Variants in KCNJ4 observed in about 807,000 individuals in gnomAD.
KCNJ4 encodes potassium inwardly rectifying channel subfamily J member 4, also known as inward rectifier potassium channel 4.
In KCNJ4, 3 loss-of-function variants were observed where a neutral mutation model predicts 25.6. That is an observed-to-expected ratio of 0.12 (90% confidence interval 0.05 to 0.30). KCNJ4 has a LOEUF of 0.30. KCNJ4 is among the 10% of genes least tolerant of loss of function. The pLI is 1.00. For synonymous variants in KCNJ4, 257 were observed against 283.9 expected, an observed-to-expected ratio of 0.91 and a Z score of 0.95; for missense variants, 286 against 666.8, an observed-to-expected ratio of 0.43 and a Z score of 6.29.
rs374880384 is a variant in KCNJ4 at position 38,443,878 on chromosome 22, G to A, written c.-40+11102C>T. Reference sequence around the variant, plus strand: ...TCTCCCCAGGGCACTCGGGATGAACGCCCCGCCTCAGAGAGGTCCTGCCCT... The same window carrying A: ...TCTCCCCAGGGCACTCGGGATGAACACCCCGCCTCAGAGAGGTCCTGCCCT... On this transcript the variant is annotated intron_variant, in intron 1 of 1. Transcript: ENST00000303592. The surrounding 1 kb of genome is among the most constrained non-coding windows in gnomAD (Gnocchi z 4.1). 2.6e-5 allele frequency among the ~76,000 whole-genome samples: 4 copies of A among 151,932 alleles called. No homozygotes were observed. In the South Asian group the frequency reaches 6.2e-4, roughly 24 times the overall value.
intron 1 of KCNJ4, among the ~76,000 whole-genome samples, chr22:38,441,645 A>C (rs1353845929): frequency 6.6e-6 from 1 of 152,168 alleles, no homozygotes; most frequent in Non-Finnish European, 1.5e-5. Context: ...GTGCCCCCTA[A>C]AGAAGTGGCG....
rs199879279 is a variant in KCNJ4 at position 38,426,952 on chromosome 22, G to A, written c.1181C>T (p.Ala394Val). ...EEEMEEEAAA[A>V]AAVAAGLGLE... The stretch of plus-strand genomic sequence containing the variant: ...GCCCAGGCCTGCGGCCACCGCGGCC[G>A]CCGCAGCTGCCTCCTCCTCCATCTC... Residue 394 changes from alanine (A) to valine (V), a missense_variant, in exon 2 of 2, where the codon GCG becomes GTG. By Grantham distance (64) the Ala-to-Val change is moderately conservative (BLOSUM62 0). Coordinates refer to ENST00000303592, the MANE Select transcript of KCNJ4 (RefSeq NM_152868.3). 7.5e-5 allele frequency: 121 copies of A among 1,612,578 alleles called. No homozygotes were observed. The highest frequency in any genetic ancestry group is 3.3e-4 in the Admixed American group (20 of 59,998).
intron 1 of KCNJ4, among the ~76,000 whole-genome samples, chr22:38,450,709 G>A (rs867971972): frequency 3.9e-5 from 6 of 152,116 alleles, no homozygotes; most frequent in Non-Finnish European, 8.8e-5. Flanking sequence ...GGGCACCTTC[G>A]GGCAGGTCAT....
chr22:38,441,853 C>T (rs556363096), intron 1 of KCNJ4, among the ~76,000 whole-genome samples: 5 of 152,310 alleles, frequency 3.3e-5, no homozygotes, highest in East Asian at 3.9e-4. Context: ...TGCCCATCCA[C>T]GAATGGCACA....
intron 1 of KCNJ4, among the ~76,000 whole-genome samples, chr22:38,442,344 C>T (rs1016654315): frequency 6.6e-6 from 1 of 151,918 alleles, no homozygotes; most frequent in Non-Finnish European, 1.5e-5. Flanking sequence ...GTCAGGAGAT[C>T]GAGACCATCC....
intron 1 of KCNJ4, among the ~76,000 whole-genome samples, chr22:38,432,284 T>A (rs184832214): frequency 0.015 from 2,079 of 142,176 alleles, 16 homozygotes; most frequent in Non-Finnish European, 0.022. Flanking sequence ...AATAAATAAA[T>A]AAAATAAAAT....
intron 1 of KCNJ4, among the ~76,000 whole-genome samples, chr22:38,440,816 G>T (rs1190843636): frequency 1.3e-5 from 2 of 152,206 alleles, no homozygotes; most frequent in Non-Finnish European, 2.9e-5. Flanking sequence ...GTTGTCGAGA[G>T]TGGCCTGTAG....
At chr22:38,430,652 C>T (rs750806565) in intron 1 of KCNJ4, among the ~76,000 whole-genome samples, 3 of 152,192 alleles carry the variant, frequency 2.0e-5, no homozygotes, top group Non-Finnish European at 4.4e-5. Flanking sequence ...ATCCCAGCAG[C>T]CAGGGCTCCA....
chr22:38,435,692 C>T (rs979254542), intron 1 of KCNJ4, among the ~76,000 whole-genome samples: 7 of 146,620 alleles, frequency 4.8e-5, no homozygotes, highest in Non-Finnish European at 7.5e-5. Flanking sequence ...GACTCTGTCT[C>T]GGGAAAAAAA....
chr22:38,453,511 C>T (rs1238426045), intron 1 of KCNJ4, among the ~76,000 whole-genome samples: 2 of 152,166 alleles, frequency 1.3e-5, no homozygotes. Flanking sequence ...CTGCCCCACG[C>T]CCACCTCCAC....
intron 1 of KCNJ4, among the ~76,000 whole-genome samples, chr22:38,441,041 AG>A (rs1312366998): frequency 1.3e-5 from 2 of 152,034 alleles, no homozygotes; most frequent in Non-Finnish European, 2.9e-5. Flanking sequence ...GGAAAAGGAG[AG>A]GGGGTCTTAG....
At chr22:38,434,077 G>T (rs569580727) in intron 1 of KCNJ4, among the ~76,000 whole-genome samples, 1 of 152,014 alleles carries the variant, frequency 6.6e-6, no homozygotes, top group Non-Finnish European at 1.5e-5. Flanking sequence ...GGGCACCTCC[G>T]CCAGGCCCTG....
chr22:38,448,059 CAAA>C (rs11422111), intron 1 of KCNJ4, among the ~76,000 whole-genome samples: 1 of 104,354 alleles, frequency 9.6e-6, no homozygotes, highest in Non-Finnish European at 1.9e-5. Context: ...GTGAGACTCT[CAAA>C]AAAAAAAAAA....
chr22:38,427,095 G>A lies in KCNJ4; in HGVS notation c.1038C>T (p.Pro346=). The A allele has an allele frequency of 6.2e-7, 1 of 1,612,946 alleles. No individual in the cohort carries two copies. Among genetic ancestry groups the A allele is most frequent in the Non-Finnish European group, 8.5e-7 (1 of 1,179,986 alleles). The change falls in exon 2 of 2, where the codon CCC becomes CCT. Residue 346 remains proline, a synonymous_variant. Coordinates refer to ENST00000303592, the MANE Select transcript of KCNJ4 (RefSeq NM_152868.3). ...CCTGCAGCTCCCGGGCCGAGCAGCA[G>A]GGCGTGCCGGCCACCTCGTAGGTCT... ...FHKTYEVAGT[P]CCSARELQES...
chr22:38,427,475 G>A lies in KCNJ4; in HGVS notation c.658C>T (p.Arg220Trp). The A allele has an allele frequency of 1.9e-6, 3 of 1,612,322 alleles. No individual in the cohort carries two copies. The highest frequency in any genetic ancestry group is 1.7e-6 in the Non-Finnish European group (2 of 1,178,934). The change falls in exon 2 of 2, where the codon CGG (arginine) becomes TGG (tryptophan). Residue 220 changes from arginine to tryptophan, a missense_variant. Transcript: ENST00000303592. The stretch of plus-strand genomic sequence containing the variant: ...ATGTAGGGCTTGATGAGCTGGGCCC[G>A]CACGTGGGCCTCCACAATGTGGCTC... ...RKSHIVEAHV[R>W]AQLIKPYMTQ...
At chr22:38,428,511 T>C (rs928245908) in intron 1 of KCNJ4, among the ~76,000 whole-genome samples, 4 of 152,158 alleles carry the variant, frequency 2.6e-5, no homozygotes, top group South Asian at 4.2e-4. Context: ...GGTTCCTCCC[T>C]GTCCCTCTGT....
At chr22:38,435,913 G>A (rs2093064132) in intron 1 of KCNJ4, among the ~76,000 whole-genome samples, 1 of 152,010 alleles carries the variant, frequency 6.6e-6, no homozygotes, top group Admixed American at 6.6e-5. Flanking sequence ...AGTAAGGGGA[G>A]CCAAAGACAG....
At chr22:38,437,641 C>T (rs543806943) in intron 1 of KCNJ4, among the ~76,000 whole-genome samples, 2 of 152,242 alleles carry the variant, frequency 1.3e-5, no homozygotes, top group African/African-American at 2.4e-5. Flanking sequence ...ATGTGTGTGG[C>T]GTTAAGCAGT....
intron 1 of KCNJ4, among the ~76,000 whole-genome samples, chr22:38,442,309 G>A (rs1654850114): frequency 6.6e-6 from 1 of 152,156 alleles, no homozygotes; most frequent in African/African-American, 2.4e-5. Flanking sequence ...AGCACTTTGG[G>A]AGGCCGAGGC....
Sources: allele counts gnomAD v4.1 joint callset (sites outside exome capture counted in the v4.1 genomes callset), GRCh38; gene constraint gnomAD v4.1.1; non-coding constraint Gnocchi (gnomAD v3.1); transcripts MANE v1.5; gene names NCBI Gene and HGNC (gene_info 2026-07-23, HGNC 2026-07-21).